EYS: variants seen among roughly 807,000 people sequenced by gnomAD.
The protein encoded by EYS is EGF-like photoreceptor maintenance factor, also known as protein eyes shut homolog.
EYS carries 250 observed loss-of-function variants against 282.1 expected under a neutral mutation model. That is an observed-to-expected ratio of 0.89 (90% CI 0.80 to 0.98). EYS has a LOEUF of 0.98. Ranked by LOEUF, EYS falls within the 50% of genes least tolerant of loss-of-function variation. The probability of loss-of-function intolerance (pLI) is 0.00; values close to 1 mark genes in which losing one functional copy is unlikely to be tolerated. For synonymous variants in EYS, 1,355 were observed against 1,282.9 expected (o/e 1.06, Z -1.20); for missense variants, 4,016 against 3,709.0 (o/e 1.08, Z -2.15).
At chr6:65,660,677 TG>T (rs1415195718) in intron 1 of EYS, among the ~76,000 whole-genome samples, 2 of 151,792 alleles carry the variant, frequency 1.3e-5, no homozygotes, top group Admixed American at 1.3e-4. Flanking sequence ...CTATTACGTT[TG>T]AATATAACAT....
chr6:64,191,485 C>A (rs1268955007), intron 31 of EYS, among the ~76,000 whole-genome samples: 8 of 147,562 alleles, frequency 5.4e-5, no homozygotes, highest in East Asian at 4.4e-4. Flanking sequence ...CTTCCCCCCC[C>A]ACCCCAAAAC....
At chr6:64,623,744 G>T (rs1273886459) in intron 23 of EYS, among the ~76,000 whole-genome samples, 3 of 152,030 alleles carry the variant, frequency 2.0e-5, no homozygotes, top group Admixed American at 1.3e-4. Context: ...TTTGGAGGAT[G>T]GTGGTTAATT....
At chr6:64,502,524 A>C (rs1307300569) in intron 26 of EYS, among the ~76,000 whole-genome samples, 1 of 152,104 alleles carries the variant, frequency 6.6e-6, no homozygotes, top group Non-Finnish European at 1.5e-5. Context: ...GCTCGGCCGG[A>C]GGCTGGTGTT....
chr6:65,587,648 G>A (rs532888450), intron 2 of EYS, among the ~76,000 whole-genome samples: 1 of 151,996 alleles, frequency 6.6e-6, no homozygotes, highest in East Asian at 1.9e-4. Flanking sequence ...GTGTGAGAAT[G>A]GACTTACACG....
chr6:63,836,947 C>CT (rs59071203), intron 36 of EYS, among the ~76,000 whole-genome samples: 18,262 of 151,656 alleles, frequency 0.12, 1,320 homozygotes, highest in African/African-American at 0.19. Flanking sequence ...CATTCTCTGC[C>CT]TTTTTTTTGA....
At chr6:64,826,794 G>A (rs751640591) in intron 19 of EYS, among the ~76,000 whole-genome samples, 9 of 148,880 alleles carry the variant, frequency 6.0e-5, no homozygotes, top group South Asian at 2.1e-4. Flanking sequence ...ATTTGTCAGC[G>A]TTACATGTTT....
At chr6:65,222,474 T>G (rs1029704080) in intron 12 of EYS, among the ~76,000 whole-genome samples, 1 of 152,178 alleles carries the variant, frequency 6.6e-6, no homozygotes, top group Non-Finnish European at 1.5e-5. Context: ...TCTTCTGCCA[T>G]GATTGTGAGG....
intron 35 of EYS, among the ~76,000 whole-genome samples, chr6:63,878,435 T>TGAG (rs1221487773): frequency 6.6e-6 from 1 of 152,132 alleles, no homozygotes; most frequent in African/African-American, 2.4e-5. Flanking sequence ...GGGACCCACT[T>TGAG]GAGGAGGCAG....
intron 12 of EYS, among the ~76,000 whole-genome samples, chr6:65,165,920 A>C (rs1459641558): frequency 6.6e-6 from 1 of 151,064 alleles, no homozygotes; most frequent in East Asian, 2.0e-4. Context: ...AAAATCAATA[A>C]TATTTCTGTA....
chr6:64,550,591 A>G (rs113168852), intron 26 of EYS, among the ~76,000 whole-genome samples: 7,774 of 152,146 alleles, frequency 0.051, 455 homozygotes, highest in African/African-American at 0.13. Context: ...ATTCAACATA[A>G]TGTTGGAAGT....
intron 30 of EYS, among the ~76,000 whole-genome samples, chr6:64,251,298 T>C (rs1767207324): frequency 1.3e-5 from 2 of 152,204 alleles, no homozygotes; most frequent in Non-Finnish European, 1.5e-5. Flanking sequence ...GCATAATCTT[T>C]ATGTACTGAA....
chr6:65,605,480 A>G (rs2149792230), intron 2 of EYS, among the ~76,000 whole-genome samples: 1 of 152,052 alleles, frequency 6.6e-6, no homozygotes, highest in African/African-American at 2.4e-5. Flanking sequence ...CCTTTTAGAA[A>G]TACTCCTTTT....
intron 22 of EYS, among the ~76,000 whole-genome samples, chr6:64,724,905 T>G (rs2149946662): frequency 6.6e-6 from 1 of 151,276 alleles, no homozygotes; most frequent in South Asian, 2.1e-4. Flanking sequence ...AAAGAACAAC[T>G]TAATCTCAAA....
At chr6:64,529,823 A>G (rs1365129392) in intron 26 of EYS, among the ~76,000 whole-genome samples, 1 of 140,218 alleles carries the variant, frequency 7.1e-6, no homozygotes, top group Non-Finnish European at 1.6e-5. Context: ...GCCAAGCAGA[A>G]CACGTTAAAA....
chr6:64,972,683 C>T (rs1770335824), intron 14 of EYS, among the ~76,000 whole-genome samples: 4 of 151,946 alleles, frequency 2.6e-5, no homozygotes, highest in Admixed American at 2.6e-4. Flanking sequence ...ATATAGAAAA[C>T]GTGTTAGTAG....
intron 7 of EYS, among the ~76,000 whole-genome samples, chr6:65,394,233 T>C (rs1766176490): frequency 6.7e-6 from 1 of 148,448 alleles, no homozygotes; most frequent in African/African-American, 2.5e-5. Flanking sequence ...TGTGCGCACG[T>C]GTGTGTGTGT....
At chr6:64,329,156 C>A (rs149650838) in intron 29 of EYS, among the ~76,000 whole-genome samples, 1 of 151,926 alleles carries the variant, frequency 6.6e-6, no homozygotes, top group African/African-American at 2.4e-5. Context: ...ACTTTATGGT[C>A]CATACTGGTG....
intron 14 of EYS, among the ~76,000 whole-genome samples, chr6:64,989,415 A>ATATATATATATATATATATATG (rs1770975611): frequency 9.1e-6 from 1 of 110,022 alleles, no homozygotes; most frequent in African/African-American, 3.5e-5. Context: ...ATATATATAT[A>ATATATATATATATATATATATG]TGAATATATA....
At chr6:64,811,285 T>C (rs1764582692) in intron 22 of EYS, among the ~76,000 whole-genome samples, 1 of 152,090 alleles carries the variant, frequency 6.6e-6, no homozygotes, top group Non-Finnish European at 1.5e-5. Flanking sequence ...AATGATAATT[T>C]TGGAGATAGA....
Sources: gnomAD v4.1 joint callset for allele counts (sites outside exome capture counted in the v4.1 genomes callset) on GRCh38, gnomAD v4.1.1 for gene constraint, MANE v1.5 for transcripts, NCBI Gene and HGNC (gene_info 2026-07-23, HGNC 2026-07-21) for gene names.